RUNX2: variants seen among roughly 807,000 people sequenced by gnomAD.
RUNX2 encodes the protein runt-related transcription factor 2.
A neutral mutation model predicts 51.7 loss-of-function variants in RUNX2; 10 were observed. That is an observed-to-expected ratio of 0.19 (90% CI 0.12 to 0.33). RUNX2 has a LOEUF of 0.33. Ranked by LOEUF, RUNX2 falls within the 10% of genes least tolerant of loss-of-function variation. The pLI is 1.00. For synonymous variants in RUNX2, 276 were observed against 273.6 expected (o/e 1.01, Z -0.09); for missense variants, 562 against 691.3 (o/e 0.81, Z 2.10).
chr6:45,376,504 A>G (rs1268507969), intron 2 of RUNX2, among the ~76,000 whole-genome samples: 2 of 152,234 alleles, frequency 1.3e-5, no homozygotes, highest in Admixed American at 6.5e-5. Context: ...CTGAAGAGCC[A>G]CTGTGCCTAG....
At chr6:45,413,280 G>A (rs912433735) in intron 2 of RUNX2, among the ~76,000 whole-genome samples, 1 of 152,048 alleles carries the variant, frequency 6.6e-6, no homozygotes, top group African/African-American at 2.4e-5. Flanking sequence ...ATAGTAATAA[G>A]CAGATAATCC....
chr6:45,458,564 T>C (rs959283078), intron 5 of RUNX2, among the ~76,000 whole-genome samples: 1 of 152,220 alleles, frequency 6.6e-6, no homozygotes, highest in African/African-American at 2.4e-5. Flanking sequence ...TCTCCTTCAG[T>C]TTCTAATCCT....
intron 6 of RUNX2, among the ~76,000 whole-genome samples, chr6:45,506,981 T>C (rs937574545): frequency 1.4e-4 from 22 of 151,908 alleles, no homozygotes; most frequent in African/African-American, 5.3e-4. Flanking sequence ...TTTTTTTTTT[T>C]TGGAAACTTT....
At chr6:45,351,045 G>A (rs1212357879) in intron 2 of RUNX2, among the ~76,000 whole-genome samples, 4 of 152,102 alleles carry the variant, frequency 2.6e-5, no homozygotes, top group Non-Finnish European at 5.9e-5. Flanking sequence ...CTGATGATGT[G>A]AGGTGTAACA....
chr6:45,471,018 T>A (rs1799783523), intron 5 of RUNX2, among the ~76,000 whole-genome samples: 1 of 152,198 alleles, frequency 6.6e-6, no homozygotes. Context: ...ATTGTGGGAA[T>A]AATAACGGTA....
chr6:45,330,882 A>C (rs908907323), intron 2 of RUNX2, among the ~76,000 whole-genome samples: 32 of 151,984 alleles, frequency 2.1e-4, no homozygotes. Flanking sequence ...CATCATGTAT[A>C]TGTTATCACA....
intron 6 of RUNX2, among the ~76,000 whole-genome samples, chr6:45,492,877 G>A (rs1174081038): frequency 6.6e-6 from 1 of 152,116 alleles, no homozygotes; most frequent in Non-Finnish European, 1.5e-5. Context: ...TCTTTAATTT[G>A]CAGATAAAAG....
In RUNX2 at chr6:45,547,381, T is replaced by A; in HGVS notation, c.*76T>A. Reference sequence around the variant, plus strand: ...TCAATATATACATATATAGAGAGAGTGCATATATATGTATATCGATTAGCT... The same window carrying A: ...TCAATATATACATATATAGAGAGAGAGCATATATATGTATATCGATTAGCT... On this transcript the variant is annotated 3_prime_UTR_variant, in exon 9 of 9. Transcript: ENST00000647337. 8.7e-7 allele frequency: 1 copy of A among 1,144,844 alleles called. No homozygotes were observed. Among genetic ancestry groups the A allele is most frequent in the Non-Finnish European group, 1.3e-6 (1 of 759,258 alleles). 70.9% of individuals were successfully genotyped at this position (1,144,844 alleles called of 1,614,324 possible). A position where few individuals can be genotyped will look rare whatever the true frequency, so the allele number is the denominator to read the frequency against.
At chr6:45,331,565 A>G (rs1787519165) in intron 2 of RUNX2, among the ~76,000 whole-genome samples, 1 of 152,004 alleles carries the variant, frequency 6.6e-6, no homozygotes, top group African/African-American at 2.4e-5. Flanking sequence ...AAAGCTAAAA[A>G]TGTCAAAGTA....
intron 7 of RUNX2, among the ~76,000 whole-genome samples, chr6:45,538,792 CCT>C (rs900169490): frequency 6.6e-6 from 1 of 151,928 alleles, no homozygotes; most frequent in African/African-American, 2.4e-5. Context: ...TATATCCCAT[CCT>C]CTCTAAATGG....
intron 2 of RUNX2, among the ~76,000 whole-genome samples, chr6:45,395,284 G>A (rs1797557309): frequency 6.6e-6 from 1 of 152,188 alleles, no homozygotes. Flanking sequence ...TTGGAAACTG[G>A]AAGTCCACTT....
chr6:45,488,513 A>T (rs1001143952), intron 5 of RUNX2, among the ~76,000 whole-genome samples: 1 of 152,206 alleles, frequency 6.6e-6, no homozygotes, highest in African/African-American at 2.4e-5. Flanking sequence ...TTAGTGCATG[A>T]GACTGAGATC....
At chr6:45,448,841 G>A (rs923670259) in intron 5 of RUNX2, among the ~76,000 whole-genome samples, 3 of 152,112 alleles carry the variant, frequency 2.0e-5, no homozygotes. Context: ...ATTATTAGTA[G>A]GCAAAGATGG....
chr6:45,454,527 A>T (rs1204312030), intron 5 of RUNX2, among the ~76,000 whole-genome samples: 1 of 152,220 alleles, frequency 6.6e-6, no homozygotes, highest in African/African-American at 2.4e-5. Context: ...GTAAACAAAA[A>T]CTTTTATGGG....
At chr6:45,425,999 A>T (rs1798372072) in intron 3 of RUNX2, among the ~76,000 whole-genome samples, 1 of 152,238 alleles carries the variant, frequency 6.6e-6, no homozygotes, top group Non-Finnish European at 1.5e-5. Context: ...TTGACACCGC[A>T]GAGAATCAGA....
intron 3 of RUNX2, among the ~76,000 whole-genome samples, chr6:45,430,660 A>G (rs371661694): frequency 6.6e-6 from 1 of 152,188 alleles, no homozygotes. Flanking sequence ...TGTCTTATGG[A>G]AATCTTGACA....
intron 2 of RUNX2, among the ~76,000 whole-genome samples, chr6:45,378,661 C>CT (rs755700159): frequency 0.015 from 2,113 of 137,612 alleles, 26 homozygotes; most frequent in African/African-American, 0.039. Context: ...TACTTGAAGG[C>CT]TTTTTTTTTT....
intron 5 of RUNX2, among the ~76,000 whole-genome samples, chr6:45,463,618 T>C (rs1307358082): frequency 6.6e-6 from 1 of 152,212 alleles, no homozygotes; most frequent in Non-Finnish European, 1.5e-5. Flanking sequence ...TACTCAAATT[T>C]GTTTAAATGC....
At position 45,380,777 on chromosome 6, in the gene RUNX2, A is replaced by G. The variant is rs556351175; in HGVS notation, c.59-41816A>G. Among the ~76,000 whole-genome samples, 10 of 152,178 alleles carry G rather than the reference A, an allele frequency of 6.6e-5. No homozygotes were observed. In the South Asian group the frequency reaches 2.1e-3, roughly 32 times the overall value. ...TTTTTAATAGAGACGGGGTTTCACCATGTTGGTCAGGCTGGTCTCAAACTC... is the reference window on the plus strand; with the variant it reads ...TTTTTAATAGAGACGGGGTTTCACCGTGTTGGTCAGGCTGGTCTCAAACTC... On this transcript the variant is annotated intron_variant, in intron 2 of 8. Coordinates refer to ENST00000647337, the MANE Select transcript of RUNX2 (RefSeq NM_001024630.4).
Sources: gnomAD v4.1 joint callset for allele counts (sites outside exome capture counted in the v4.1 genomes callset) on GRCh38, gnomAD v4.1.1 for gene constraint, MANE v1.5 for transcripts, NCBI Gene and HGNC (gene_info 2026-07-23, HGNC 2026-07-21) for gene names.